Variants in FGFRL1 observed in about 807,000 individuals in gnomAD.
FGFRL1 encodes the protein fibroblast growth factor receptor like 1, also known as fibroblast growth factor receptor-like 1.
FGFRL1 carries 24 observed loss-of-function variants against 36.8 expected under a neutral mutation model. The observed-to-expected ratio is 0.65, with a 90% CI of 0.47 to 0.92. The LOEUF is 0.92. FGFRL1 is among the 40% of genes least tolerant of loss of function. The probability of loss-of-function intolerance (pLI) is 0.00; values close to 1 mark genes in which losing one functional copy is unlikely to be tolerated. For missense variants in FGFRL1, 785 were observed against 753.4 expected, an observed-to-expected ratio of 1.04 and a Z score of -0.49; for synonymous variants, 422 against 344.1, an observed-to-expected ratio of 1.23 and a Z score of -2.50.
rs140460823 is a variant in FGFRL1 at position 1,024,351 on chromosome 4, C to T, written c.759C>T (p.Pro253=). Residue 253 remains proline, a synonymous_variant, in exon 6 of 7, where the codon CCC becomes CCT. Coordinates refer to ENST00000510644, the MANE Select transcript of FGFRL1 (RefSeq NM_001004356.3). Reference sequence around the variant, plus strand: ...AGCCCGTGCTCACAGGCACGCACCCCGTGAACACGACGGTGGACTTCGGGG... The same window carrying T: ...AGCCCGTGCTCACAGGCACGCACCCTGTGAACACGACGGTGGACTTCGGGG... ...RSKPVLTGTH[P]VNTTVDFGGT... The T allele has an allele frequency of 1.6e-5, 26 of 1,611,020 alleles. No individual in the cohort carries two copies. The highest frequency in any genetic ancestry group is 1.3e-4 in the Admixed American group (8 of 59,930).
intron 5 of FGFRL1, 83 bp downstream of exon 5, chr4:1,024,184 C>G (rs571149220): frequency 3.3e-6 from 1 of 303,996 alleles, no homozygotes; most frequent in Non-Finnish European, 5.1e-6. Context: ...TGGGCGGGGG[C>G]GCTGGTGGGC....
chr4:1,022,424 G>C lies in FGFRL1; in HGVS notation c.301G>C (p.Ala101Pro), dbSNP rs1716240402. Residue 101 changes from alanine (A) to proline (P), a missense_variant, in exon 3 of 7, where the codon GCC (alanine) becomes CCC (proline). Coordinates refer to ENST00000510644, the MANE Select transcript of FGFRL1 (RefSeq NM_001004356.3). ...REDAGVYVCKATNGFGSLSVN... is the reference protein window; with the variant it reads ...REDAGVYVCKPTNGFGSLSVN... ...GGATGCCGGCGTGTACGTGTGCAAG[G>C]CCACCAACGGCTTCGGCAGCCTGAG... 6.2e-7 allele frequency: 1 copy of C among 1,610,804 alleles called. No individual in the cohort carries two copies. The highest frequency in any genetic ancestry group is 1.3e-5 in the African/African-American group (1 of 74,918).
intron 2 of FGFRL1, among the ~76,000 whole-genome samples, chr4:1,013,731 G>A (rs1715736224): frequency 6.6e-6 from 1 of 152,284 alleles, no homozygotes. Flanking sequence ...CGGCCAGGGA[G>A]GCTCTGGAGG....
In FGFRL1 at chr4:1,022,336, C is replaced by T. The variant is rs770960248; in HGVS notation, c.213C>T (p.His71=). The T allele has an allele frequency of 2.5e-6, 4 of 1,603,776 alleles. No homozygotes were observed. In the African/African-American group the frequency reaches 5.4e-5, roughly 21 times the overall value. ...TMWTKDGRTI[H]SGWSRFRVLP... ...GGACCAAGGATGGCCGCACCATCCA[C>T]AGCGGCTGGAGCCGCTTCCGCGTGC... is the stretch of plus-strand genomic sequence containing the variant. Residue 71 remains histidine (H), a synonymous_variant, in exon 3 of 7, where the codon CAC becomes CAT. Coordinates refer to ENST00000510644, the MANE Select transcript of FGFRL1 (RefSeq NM_001004356.3).
At chr4:1,014,801 C>T (rs547868108) in intron 2 of FGFRL1, among the ~76,000 whole-genome samples, 57 of 152,156 alleles carry the variant, frequency 3.7e-4, no homozygotes, top group Admixed American at 2.6e-3. Context: ...GGTGGGGAAT[C>T]GGGCCAGCCG....
rs190005585 is a variant in FGFRL1 at position 1,013,063 on chromosome 4, G to A, written c.79+499G>A. Among the ~76,000 whole-genome samples the A allele has an allele frequency of 4.9e-3, 749 of 152,312 alleles. 2 individuals carry two copies. Among genetic ancestry groups the A allele is most frequent in the Non-Finnish European group, 8.1e-3 (549 of 68,012 alleles). ...CCCCAGTCCCCCAGCCGACCTAGCC[G>A]TGTGCCCTGGGCCTGCCCAGCTCTA... On this transcript the variant is annotated intron_variant, in intron 2 of 6. Transcript: ENST00000510644.
rs1258575070 is a variant in FGFRL1 at position 1,011,904 on chromosome 4, C to A, written c.-67C>A. The A allele has an allele frequency of 3.4e-5, 5 of 145,474 alleles. No homozygotes were observed. Among genetic ancestry groups the A allele is most frequent in the Non-Finnish European group, 4.6e-5 (3 of 65,540 alleles). The allele number at this position is 145,474 out of a possible 1,614,324, so 9.0% of individuals were successfully genotyped here. A position where few individuals can be genotyped will look rare whatever the true frequency, so the allele number is the denominator to read the frequency against. On this transcript the variant is annotated 5_prime_UTR_variant, in exon 1 of 7. Coordinates refer to ENST00000510644, the MANE Select transcript of FGFRL1 (RefSeq NM_001004356.3). ...GGCGGCGATGACCGCGGAGCGCACG[C>A]CGCGGGCCCGGCCCTGACCCCGCCG...
At chr4:1,013,885 G>A (rs1185232125) in intron 2 of FGFRL1, among the ~76,000 whole-genome samples, 1 of 152,274 alleles carries the variant, frequency 6.6e-6, no homozygotes, top group Non-Finnish European at 1.5e-5. Flanking sequence ...CCTCAGCTGC[G>A]GCCTTGGGGC....
rs1483798615 is a variant in FGFRL1 at position 1,025,764 on chromosome 4, A to G, written c.*417A>G. 2.3e-5 allele frequency: 6 copies of G among 257,372 alleles called. No individual in the cohort carries two copies. Among genetic ancestry groups the G allele is most frequent in the Admixed American group, 5.2e-5 (1 of 19,188 alleles). The allele number at this position is 257,372 out of a possible 1,614,324, so 15.9% of individuals were successfully genotyped here. ...ACACACGGATATGCTGTCTGGACGC[A>G]CACACGTGCAGATATGGTATCCGGA... On this transcript the variant is annotated 3_prime_UTR_variant, in exon 7 of 7. Transcript: ENST00000510644.
intron 2 of FGFRL1, among the ~76,000 whole-genome samples, chr4:1,016,021 G>A (rs1159876898): frequency 3.3e-5 from 5 of 152,160 alleles, no homozygotes; most frequent in Admixed American, 2.0e-4. Flanking sequence ...GAGCTGCAGC[G>A]GACAGGCCCG....
intron 2 of FGFRL1, among the ~76,000 whole-genome samples, chr4:1,012,920 C>G (rs1172393050): frequency 2.6e-5 from 4 of 152,230 alleles, no homozygotes; most frequent in Admixed American, 2.6e-4. Context: ...CGGTTTGTGG[C>G]CACAGTGGAC....
At chr4:1,020,152 C>T (rs899551821) in intron 2 of FGFRL1, among the ~76,000 whole-genome samples, 1 of 152,210 alleles carries the variant, frequency 6.6e-6, no homozygotes, top group African/African-American at 2.4e-5. Context: ...CGTCACAGGG[C>T]CACTGTTAAC....
At chr4:1,012,350 G>A in intron 1 of FGFRL1, 120 bp from the exon 2 acceptor site, 1 of 1,144,424 alleles carries the variant, frequency 8.7e-7, no homozygotes, top group East Asian at 2.9e-5. Flanking sequence ...TCCGCCTGGA[G>A]CGCGGGCGGG....
At chr4:1,020,185 C>T (rs1716096555) in intron 2 of FGFRL1, among the ~76,000 whole-genome samples, 1 of 152,208 alleles carries the variant, frequency 6.6e-6, no homozygotes, top group Admixed American at 6.5e-5. Flanking sequence ...GAACACGCGG[C>T]CCCAGGCCCC....
In FGFRL1 at chr4:1,025,160, G is replaced by A. The variant is rs759581394; in HGVS notation, c.1328G>A (p.Gly443Asp). 3.7e-6 allele frequency: 6 copies of A among 1,610,354 alleles called. No homozygotes were observed. The highest frequency in any genetic ancestry group is 5.1e-6 in the Non-Finnish European group (6 of 1,179,058). The change falls in exon 7 of 7, where the codon GGT (glycine) becomes GAT (aspartate). Residue 443 changes from glycine (G) to aspartate (D), a missense_variant. Coordinates refer to ENST00000510644, the MANE Select transcript of FGFRL1 (RefSeq NM_001004356.3). ...TTGGCCGCCCTCAGCGCTGGCCCTG[G>A]TGTGGGGCTGTGTGAGGAGCATGGG... ...PSLAALSAGP[G>D]VGLCEEHGSP...
In FGFRL1 at chr4:1,018,894, G is replaced by T. The variant is rs137980599; in HGVS notation, c.80-3309G>T. On this transcript the variant is annotated intron_variant, in intron 2 of 6. Coordinates refer to ENST00000510644, the MANE Select transcript of FGFRL1 (RefSeq NM_001004356.3). ...AGCAGGGGGTCCGGGGAGCCCAGGT[G>T]GGGGTGGGATAGGCCTGGCGAGGGG... Among the ~76,000 whole-genome samples, 172 of 152,300 alleles carry T rather than the reference G, an allele frequency of 1.1e-3. 3 individuals carry two copies. The highest frequency in any genetic ancestry group is 7.1e-3 in the Admixed American group (109 of 15,312).
chr4:1,018,486 T>C (rs189641973), intron 2 of FGFRL1, among the ~76,000 whole-genome samples: 3 of 152,292 alleles, frequency 2.0e-5, no homozygotes. Flanking sequence ...CTCGCTCCCA[T>C]GTGGCCCTTG....
Position 1,024,904 on chromosome 4 carries a change from G to A in FGFRL1, c.1073-1G>A. 6.3e-7 allele frequency: 1 copy of A among 1,586,748 alleles called. No homozygotes were observed. The highest frequency in any genetic ancestry group is 8.5e-7 in the Non-Finnish European group (1 of 1,170,168). The stretch of plus-strand genomic sequence containing the variant: ...TACCTCCTTTCCTCTCGCTCTTGCA[G>A]ACCCAAAACCGCCAGGGCCACCTGT... On this transcript the variant is annotated splice_acceptor_variant, in intron 6 of 6. Transcript: ENST00000510644. LOFTEE classifies it high-confidence loss of function.
At position 1,024,567 on chromosome 4, in the gene FGFRL1, C is replaced by T. The variant is rs774575940; in HGVS notation, c.975C>T (p.Ile325=). 5 of 1,612,498 alleles carry T rather than the reference C, an allele frequency of 3.1e-6. No homozygotes were observed. In the East Asian group the frequency reaches 1.1e-4, roughly 36 times the overall value. ...GCTCCTACCTCAATAAGCTGCTCAT[C>T]ACCCGTGCCCGCCAGGACGATGCGG... The part of the protein sequence containing the change: ...PDGSYLNKLL[I]TRARQDDAGM... The change falls in exon 6 of 7, where the codon ATC becomes ATT. Residue 325 remains isoleucine (I), a synonymous_variant. Coordinates refer to ENST00000510644, the MANE Select transcript of FGFRL1 (RefSeq NM_001004356.3).
Sources: allele counts gnomAD v4.1 joint callset (sites outside exome capture counted in the v4.1 genomes callset), GRCh38; gene constraint gnomAD v4.1.1; transcripts MANE v1.5; gene names NCBI Gene and HGNC (gene_info 2026-07-23, HGNC 2026-07-21).